Variants in MTA3 observed in about 807,000 individuals in gnomAD.
MTA3 encodes the protein metastasis associated 1 family member 3.
Under a neutral mutation model 83.5 loss-of-function variants are expected in MTA3, and 34 were observed. The ratio of observed to expected loss-of-function variants is 0.41; its 90% CI spans 0.31 to 0.54. MTA3 has a LOEUF of 0.54. Among genes scored for constraint, MTA3 ranks in the 20% least tolerant of loss-of-function variants. The pLI is 0.33. For missense variants in MTA3, 761 were observed against 726.4 expected (o/e 1.05, Z -0.55); for synonymous variants, 303 against 252.7 (o/e 1.20, Z -1.89).
intron 16 of MTA3, among the ~76,000 whole-genome samples, chr2:42,732,648 A>C (rs1668312840): frequency 6.6e-6 from 1 of 152,206 alleles, no homozygotes; most frequent in South Asian, 2.1e-4. Flanking sequence ...TCTCCCCAGA[A>C]AATGGGTTTT....
At chr2:42,517,038 TC>T (rs1202349942) in intron 2 of MTA3, among the ~76,000 whole-genome samples, 1 of 151,918 alleles carries the variant, frequency 6.6e-6, no homozygotes, top group African/African-American at 2.4e-5. Context: ...GGCGGGCAGA[TC>T]ACCTGAGGTG....
chr2:42,569,175 C>T (rs1678169117), intron 1 of MTA3, among the ~76,000 whole-genome samples: 1 of 147,834 alleles, frequency 6.8e-6, no homozygotes, highest in South Asian at 2.1e-4. Context: ...TTCTTCCCCA[C>T]TCAGTGGGAG....
intron 2 of MTA3, among the ~76,000 whole-genome samples, chr2:42,576,553 C>A (rs974740039): frequency 6.6e-6 from 1 of 151,924 alleles, no homozygotes; most frequent in East Asian, 1.9e-4. Context: ...TTGCTTGAGC[C>A]TGGGGGTTTG....
chr2:42,551,039 G>T (rs1162358139), intron 2 of MTA3, among the ~76,000 whole-genome samples: 1 of 147,776 alleles, frequency 6.8e-6, no homozygotes, highest in Non-Finnish European at 1.5e-5. Context: ...GACAGAACCA[G>T]ACTCTGACTA....
chr2:42,692,899 C>A lies in MTA3; in HGVS notation c.892-2866C>A, dbSNP rs549245038. Among the ~76,000 whole-genome samples, 242 of 152,336 alleles carry A rather than the reference C, an allele frequency of 1.6e-3. 1 individual carries two copies. The highest frequency in any genetic ancestry group is 4.8e-3 in the South Asian group (23 of 4,832). ...AGGTATTTACTGTAGTCTTCACAGT[C>A]TGGGCTTGTTTGTGTCCGTCCTTCT... On this transcript the variant is annotated intron_variant, in intron 9 of 16. Coordinates refer to ENST00000405094, the MANE Select transcript of MTA3 (RefSeq NM_001330442.2).
chr2:42,653,348 T>C (rs751168317), intron 6 of MTA3, among the ~76,000 whole-genome samples: 6 of 152,202 alleles, frequency 3.9e-5, no homozygotes, highest in Non-Finnish European at 4.4e-5. Flanking sequence ...ATGGAATTAA[T>C]CTTTGTTCAG....
rs1188616891 is a variant in MTA3, at chr2:42,697,756, T to C, written c.967-20T>C. 2.7e-6 allele frequency: 4 copies of C among 1,509,062 alleles called. No individual in the cohort carries two copies. The highest frequency in any genetic ancestry group is 3.6e-6 in the Non-Finnish European group (4 of 1,122,560). 93.5% of individuals were successfully genotyped at this position (1,509,062 alleles called of 1,614,324 possible). A position where few individuals can be genotyped will look rare whatever the true frequency, so the allele number is the denominator to read the frequency against. Reference sequence around the variant, plus strand: ...AATTAGGCATTGCATGTAAAATGTTTTATTCATCTTTTGAATTAGAAACGT... The same window carrying C: ...AATTAGGCATTGCATGTAAAATGTTCTATTCATCTTTTGAATTAGAAACGT... On this transcript the variant is annotated intron_variant, in intron 10 of 16. Coordinates refer to ENST00000405094, the MANE Select transcript of MTA3 (RefSeq NM_001330442.2).
intron 2 of MTA3, among the ~76,000 whole-genome samples, chr2:42,545,684 G>A (rs546521175): frequency 6.6e-6 from 1 of 152,320 alleles, no homozygotes; most frequent in East Asian, 1.9e-4. Flanking sequence ...AGGTTTTCAA[G>A]AGGGTTTAAA....
chr2:42,727,312 T>C (rs1275269931), intron 16 of MTA3, among the ~76,000 whole-genome samples: 3 of 152,242 alleles, frequency 2.0e-5, no homozygotes, highest in Non-Finnish European at 4.4e-5. Flanking sequence ...ATCTGCACAG[T>C]GCCTTGCCAG....
At chr2:42,711,735 T>C (rs1456723367) in intron 14 of MTA3, among the ~76,000 whole-genome samples, 1 of 148,082 alleles carries the variant, frequency 6.8e-6, no homozygotes, top group Non-Finnish European at 1.5e-5. Flanking sequence ...CTGATGTCCA[T>C]AGGCAACCAT....
chr2:42,589,312 T>G, intron 3 of MTA3, among the ~76,000 whole-genome samples: 1 of 152,292 alleles, frequency 6.6e-6, no homozygotes, highest in African/African-American at 2.4e-5. Context: ...TTTAAATACA[T>G]GATGCAAATT....
At chr2:42,554,191 G>A (rs1406442499) in intron 2 of MTA3, among the ~76,000 whole-genome samples, 1 of 151,924 alleles carries the variant, frequency 6.6e-6, no homozygotes, top group Non-Finnish European at 1.5e-5. Context: ...CCGAGATCAC[G>A]TCATTGCACT....
rs114864386 is a variant in MTA3 at position 42,590,831 on chromosome 2, G to A, written c.190+11631G>A. On this transcript the variant is annotated intron_variant, in intron 3 of 16. Transcript: ENST00000405094. ...AGGCAGGGTTTCACCACATTGGCCC[G>A]ACTGCTCTCGAATTCCTGACCTCAA... Among the ~76,000 whole-genome samples, 826 of 152,056 alleles carry A rather than the reference G, an allele frequency of 5.4e-3. 4 individuals carry two copies. The highest frequency in any genetic ancestry group is 0.019 in the African/African-American group (784 of 41,480).
intron 2 of MTA3, 131 bp downstream of exon 2, chr2:42,570,635 GAT>G: frequency 2.1e-6 from 1 of 472,080 alleles, no homozygotes. Flanking sequence ...CTGGCGAGTG[GAT>G]AGCTTGAGCC....
At chr2:42,571,578 T>C (rs1396756828) in intron 2 of MTA3, among the ~76,000 whole-genome samples, 1 of 152,180 alleles carries the variant, frequency 6.6e-6, no homozygotes, top group South Asian at 2.1e-4. Flanking sequence ...TCATAATGTG[T>C]ATTTTTCCCT....
intron 3 of MTA3, among the ~76,000 whole-genome samples, chr2:42,607,166 C>T (rs922975602): frequency 4.0e-5 from 6 of 151,212 alleles, no homozygotes; most frequent in Admixed American, 1.3e-4. Context: ...TTCACTTTTA[C>T]CCCGCAAGTA....
intron 3 of MTA3, among the ~76,000 whole-genome samples, chr2:42,585,194 A>G (rs1680126282): frequency 1.3e-5 from 2 of 151,964 alleles, no homozygotes; most frequent in Admixed American, 6.6e-5. Flanking sequence ...GGTTCAGGCA[A>G]TTCCCTGCCT....
chr2:42,626,068 G>A (rs1410553709), intron 4 of MTA3, among the ~76,000 whole-genome samples: 6 of 147,300 alleles, frequency 4.1e-5, no homozygotes, highest in Non-Finnish European at 5.9e-5. Flanking sequence ...TCAGCCTCCC[G>A]AGTAGCTGGG....
chr2:42,614,844 G>A (rs1476053565), intron 4 of MTA3, among the ~76,000 whole-genome samples: 2 of 151,800 alleles, frequency 1.3e-5, no homozygotes, highest in Admixed American at 6.6e-5. Context: ...GCATGGCAGC[G>A]TATGCCTGTA....
Sources: gnomAD v4.1 joint callset for allele counts (sites outside exome capture counted in the v4.1 genomes callset) on GRCh38, gnomAD v4.1.1 for gene constraint, MANE v1.5 for transcripts, NCBI Gene and HGNC (gene_info 2026-07-23, HGNC 2026-07-21) for gene names.